The following AFTPH variants were observed in gnomAD, a reference collection of about 807,000 sequenced individuals.
AFTPH encodes the protein aftiphilin, also known as aftiphilin protein.
In AFTPH, 7 loss-of-function variants were observed where a neutral mutation model predicts 72.5. The ratio of observed to expected loss-of-function variants is 0.10; its 90% CI spans 0.05 to 0.18. The LOEUF (loss-of-function observed/expected upper bound fraction) is 0.18. AFTPH is among the 10% of genes least tolerant of loss of function. The probability of loss-of-function intolerance (pLI) is 1.00; values close to 1 mark genes in which losing one functional copy is unlikely to be tolerated. For missense variants in AFTPH, 979 were observed against 1,060.5 expected, an observed-to-expected ratio of 0.92 and a Z score of 1.07; for synonymous variants, 337 against 370.1, an observed-to-expected ratio of 0.91 and a Z score of 1.03.
intron 1 of AFTPH, among the ~76,000 whole-genome samples, chr2:64,529,315 G>GA (rs370843938): frequency 2.1e-4 from 31 of 146,056 alleles, no homozygotes; most frequent in African/African-American, 7.7e-4. Context: ...CCTTTTTGAA[G>GA]TTTTTTTTTT....
At chr2:64,552,741 A>T (rs767684221) in exon 2 of AFTPH, 1 of 1,614,192 alleles carries the variant, frequency 6.2e-7, no homozygotes, top group Non-Finnish European at 8.5e-7. Context: ...TGACTTTGTG[A>T]CTTGCAATGA....
chr2:64,552,727 G>A lies in AFTPH; in HGVS notation c.1253G>A (p.Ser418Asn), dbSNP rs1292844536. ...TTAAGTGTAAAAAATGGTGATAGTA[G>A]TAATGACTTTGTGACTTGCAATGAT... Residue 418 changes from serine to asparagine, a missense_variant, in exon 2 of 9, where the codon AGT becomes AAT. Physicochemically the swap from Ser to Asn is conservative, Grantham distance 46. Around this residue, in one of 3 missense-constraint regions of AFTPH, gnomAD observed 498 missense variants for 467.6 expected, o/e 1.06. Coordinates refer to ENST00000238856, the Ensembl canonical transcript of AFTPH. 3.1e-6 allele frequency: 5 copies of A among 1,614,066 alleles called. No homozygotes were observed. In the African/African-American group the frequency reaches 5.3e-5, roughly 17 times the overall value.
rs902857174 is a variant in AFTPH, at chr2:64,524,433, C to T, written c.-212C>T. On this transcript the variant is annotated 5_prime_UTR_variant, in exon 1 of 9. Coordinates refer to ENST00000238856, the Ensembl canonical transcript of AFTPH. ...GGGCGGAGGGTAGTGGGATGGGGGT[C>T]CCGCGGCAGCGGTGAAACTCCGGGT... 8 of 403,522 alleles carry T rather than the reference C, an allele frequency of 2.0e-5. No individual in the cohort carries two copies. In the East Asian group the frequency reaches 2.5e-4, roughly 13 times the overall value. 25.0% of individuals were successfully genotyped at this position (403,522 alleles called of 1,614,324 possible).
chr2:64,537,378 C>G (rs1669954429), intron 1 of AFTPH, among the ~76,000 whole-genome samples: 1 of 152,098 alleles, frequency 6.6e-6, no homozygotes, highest in Non-Finnish European at 1.5e-5. Flanking sequence ...CCGTGACACT[C>G]AATTTACCTA....
At chr2:64,585,643 A>G in intron 8 of AFTPH, 98 bp downstream of exon 9, 1 of 1,346,734 alleles carries the variant, frequency 7.4e-7, no homozygotes, top group Non-Finnish European at 1.0e-6. Context: ...AATATATTAT[A>G]TCACAACTTG....
exon 9 of AFTPH, chr2:64,592,523 AGATCTGGC>A (rs1673887779): frequency 6.5e-6 from 1 of 152,672 alleles, no homozygotes; most frequent in Non-Finnish European, 1.5e-5. Context: ...GATGGGTTTC[AGATCTGGC>A]TTTTGTTAAC....
intron 2 of AFTPH, among the ~76,000 whole-genome samples, chr2:64,560,227 C>T (rs924207377): frequency 1.3e-5 from 2 of 152,062 alleles, no homozygotes; most frequent in Non-Finnish European, 2.9e-5. Context: ...TGCTTATATA[C>T]CCTGGGACTT....
At chr2:64,568,954 C>T in intron 3 of AFTPH, 138 bp from the exon 4 acceptor site, 1 of 944,710 alleles carries the variant, frequency 1.1e-6, no homozygotes. Flanking sequence ...CTCTTGATTT[C>T]ATTCAAATAG....
chr2:64,557,894 A>T (rs145233444), intron 2 of AFTPH, among the ~76,000 whole-genome samples: 4 of 152,348 alleles, frequency 2.6e-5, no homozygotes, highest in Admixed American at 6.5e-5. Context: ...TAATTTCAAA[A>T]TAGAAATGCT....
chr2:64,555,038 T>C (rs975574126), intron 2 of AFTPH, among the ~76,000 whole-genome samples: 6 of 152,338 alleles, frequency 3.9e-5, no homozygotes, highest in Admixed American at 3.9e-4. Context: ...CTGACAGATC[T>C]GAGTTTGAAT....
exon 4 of AFTPH, chr2:64,569,206 C>T: frequency 6.2e-7 from 1 of 1,612,646 alleles, no homozygotes; most frequent in Non-Finnish European, 8.5e-7. Context: ...TGGGAATAGA[C>T]ACCCGAAACA....
chr2:64,586,281 G>A (rs755866947), intron 8 of AFTPH, among the ~76,000 whole-genome samples: 2 of 152,160 alleles, frequency 1.3e-5, no homozygotes, highest in South Asian at 2.1e-4. Flanking sequence ...TGATTGACAC[G>A]CCAGCTCTGC....
rs999053468 is a variant in AFTPH, at chr2:64,569,278, G to A, written c.2214+60G>A. The A allele has an allele frequency of 1.9e-6, 3 of 1,548,678 alleles. No individual in the cohort carries two copies. In the African/African-American group the frequency reaches 4.1e-5, roughly 21 times the overall value. ...CAACCTGTGGATGTTTTAAAATTCTGTCATACTTCTGTTTAAGCTGTGGTA... is the reference window on the plus strand; with the variant it reads ...CAACCTGTGGATGTTTTAAAATTCTATCATACTTCTGTTTAAGCTGTGGTA... On this transcript the variant is annotated intron_variant, in intron 4 of 8. Transcript: ENST00000238856.
chr2:64,584,747 C>G (rs1251510004), intron 7 of AFTPH, among the ~76,000 whole-genome samples: 2 of 152,042 alleles, frequency 1.3e-5, no homozygotes, highest in Non-Finnish European at 2.9e-5. Flanking sequence ...CAGGCGCCCA[C>G]CACCATGCCC....
chr2:64,569,481 C>T, intron 4 of AFTPH, 142 bp from the exon 5 acceptor site: 3 of 976,382 alleles, frequency 3.1e-6, no homozygotes, highest in Non-Finnish European at 3.0e-6. Flanking sequence ...GATAAAATAA[C>T]CCATATGGGC....
exon 2 of AFTPH, chr2:64,552,893 A>G (rs751575593): frequency 6.2e-7 from 1 of 1,614,182 alleles, no homozygotes; most frequent in South Asian, 1.1e-5. Flanking sequence ...ATTTTAGTGA[A>G]CCAGGTGATG....
At chr2:64,577,048 C>T (rs568478049) in intron 6 of AFTPH, among the ~76,000 whole-genome samples, 23 of 145,102 alleles carry the variant, frequency 1.6e-4, no homozygotes, top group Admixed American at 8.0e-4. Context: ...TGTGAGCCAC[C>T]GCGCCTGGCC....
intron 7 of AFTPH, 100 bp downstream of exon 8, chr2:64,581,373 T>C: frequency 8.0e-6 from 7 of 872,402 alleles, no homozygotes; most frequent in Non-Finnish European, 1.2e-5. Flanking sequence ...GATTGTATTC[T>C]CTATAATGTC....
At position 64,552,598 on chromosome 2, in the gene AFTPH, C is replaced by A. The variant is rs760055344; in HGVS notation, c.1124C>A (p.Thr375Asn). ...CACCTATGCATGGATTCTGTTAAAACTTCTGATGATGAAGTTGGTTCTCCC... is the reference window on the plus strand; with the variant it reads ...CACCTATGCATGGATTCTGTTAAAAATTCTGATGATGAAGTTGGTTCTCCC... The change falls in exon 2 of 9, where the codon ACT becomes AAT. Residue 375 changes from threonine (T) to asparagine (N), a missense_variant. Thr to Asn is a moderately conservative substitution (Grantham distance 65). Around this residue, in one of 3 missense-constraint regions of AFTPH, gnomAD observed 498 missense variants for 467.6 expected, o/e 1.06. Coordinates refer to ENST00000238856, the Ensembl canonical transcript of AFTPH. 12 of 1,614,034 alleles carry A rather than the reference C, an allele frequency of 7.4e-6. No individual in the cohort carries two copies. In the East Asian group the frequency reaches 2.2e-4, roughly 30 times the overall value.
Sources: allele counts gnomAD v4.1 joint callset (sites outside exome capture counted in the v4.1 genomes callset), GRCh38; gene constraint gnomAD v4.1.1; regional missense constraint gnomAD v4.1.1; transcripts MANE v1.5; gene names NCBI Gene and HGNC (gene_info 2026-07-23, HGNC 2026-07-21).